The following TMEM117 variants were observed in gnomAD, a reference collection of about 807,000 sequenced individuals.
TMEM117 encodes the protein transmembrane protein 117.
A neutral mutation model predicts 52.4 loss-of-function variants in TMEM117; 27 were observed. The ratio of observed to expected loss-of-function variants is 0.51; its 90% confidence interval spans 0.38 to 0.71. The LOEUF (loss-of-function observed/expected upper bound fraction) is 0.71, where lower values mean the gene tolerates loss of function less well. TMEM117 is among the 30% of genes least tolerant of loss of function. The probability of loss-of-function intolerance (pLI) is 0.00; values close to 1 mark genes in which losing one functional copy is unlikely to be tolerated. For missense variants in TMEM117, 556 were observed against 630.5 expected (o/e 0.88, Z 1.26); for synonymous variants, 215 against 206.3 (o/e 1.04, Z -0.36).
intron 5 of TMEM117, among the ~76,000 whole-genome samples, chr12:44,247,010 G>A (rs887179111): frequency 6.6e-6 from 1 of 152,102 alleles, no homozygotes; most frequent in African/African-American, 2.4e-5. Context: ...AGGGGAGAAT[G>A]GGAGTTTTTG....
At chr12:44,108,032 C>T (rs1297840677) in intron 3 of TMEM117, among the ~76,000 whole-genome samples, 1 of 152,026 alleles carries the variant, frequency 6.6e-6, no homozygotes, top group Admixed American at 6.6e-5. Flanking sequence ...ATTTTTCATT[C>T]TGATACTTTT....
downstream of TMEM117, among the ~76,000 whole-genome samples, chr12:44,392,931 T>C (rs1434169722): frequency 6.6e-6 from 1 of 152,086 alleles, no homozygotes; most frequent in Admixed American, 6.6e-5. Context: ...ACATCCTTGA[T>C]GGAAGAACAA....
intron 3 of TMEM117, among the ~76,000 whole-genome samples, chr12:44,049,162 C>G (rs2137919667): frequency 6.6e-6 from 1 of 152,248 alleles, no homozygotes; most frequent in East Asian, 1.9e-4. Context: ...ACAGAACCAA[C>G]CCAAATGCCC....
At chr12:43,997,598 A>C (rs1469438736) in intron 3 of TMEM117, among the ~76,000 whole-genome samples, 1 of 152,198 alleles carries the variant, frequency 6.6e-6, no homozygotes, top group Admixed American at 6.5e-5. Context: ...CCTTATGTAG[A>C]ACACCATATA....
intron 3 of TMEM117, among the ~76,000 whole-genome samples, chr12:43,954,942 C>T (rs188724789): frequency 6.6e-6 from 1 of 152,304 alleles, no homozygotes; most frequent in East Asian, 1.9e-4. Flanking sequence ...CCACCACGAT[C>T]AAGTTGGCTT....
intron 4 of TMEM117, among the ~76,000 whole-genome samples, chr12:44,147,931 C>CAAAAAAAAAAAA (rs61271123): frequency 3.2e-5 from 2 of 61,804 alleles, no homozygotes. Context: ...GACTCTGTCT[C>CAAAAAAAAAAAA]AAAAAAAAAA....
At chr12:44,300,479 G>C (rs1004364871) in intron 6 of TMEM117, among the ~76,000 whole-genome samples, 1 of 152,246 alleles carries the variant, frequency 6.6e-6, no homozygotes, top group South Asian at 2.1e-4. Flanking sequence ...TAAGTCACCA[G>C]ACCAAAGACT....
intron 3 of TMEM117, among the ~76,000 whole-genome samples, chr12:44,100,378 A>G (rs1488137399): frequency 6.6e-6 from 1 of 152,032 alleles, no homozygotes; most frequent in East Asian, 1.9e-4. Context: ...GAATATATAT[A>G]GATATCTATG....
chr12:44,029,282 C>A (rs61933031), intron 3 of TMEM117, among the ~76,000 whole-genome samples: 1 of 152,124 alleles, frequency 6.6e-6, no homozygotes, highest in Non-Finnish European at 1.5e-5. Flanking sequence ...AAGTCCTTCT[C>A]GGCTAAGAAT....
At chr12:44,361,789 C>A (rs571600847) in intron 6 of TMEM117, among the ~76,000 whole-genome samples, 8 of 151,218 alleles carry the variant, frequency 5.3e-5, no homozygotes, top group African/African-American at 1.9e-4. Flanking sequence ...GTTACATACA[C>A]AAAAAAAAAT....
intron 3 of TMEM117, among the ~76,000 whole-genome samples, chr12:43,987,202 A>G (rs1230537724): frequency 6.6e-6 from 1 of 152,184 alleles, no homozygotes; most frequent in Non-Finnish European, 1.5e-5. Context: ...ACACACACCA[A>G]GAAGGTGGCC....
At chr12:43,944,700 G>A (rs1264179125) in intron 3 of TMEM117, among the ~76,000 whole-genome samples, 1 of 152,146 alleles carries the variant, frequency 6.6e-6, no homozygotes, top group Non-Finnish European at 1.5e-5. Context: ...AAGGTTTCCA[G>A]GTTTGCAATT....
At chr12:44,105,561 G>A (rs982840232) in intron 3 of TMEM117, among the ~76,000 whole-genome samples, 3 of 151,670 alleles carry the variant, frequency 2.0e-5, no homozygotes, top group East Asian at 3.9e-4. Flanking sequence ...GCAGTAAATC[G>A]GCCTTTACTA....
chr12:44,274,385 C>A (rs1950486422), intron 5 of TMEM117, among the ~76,000 whole-genome samples: 1 of 152,082 alleles, frequency 6.6e-6, no homozygotes, highest in Non-Finnish European at 1.5e-5. Context: ...GTACCCAAAG[C>A]AATCTACATA....
At chr12:44,366,404 A>G (rs568713650) in intron 6 of TMEM117, among the ~76,000 whole-genome samples, 8 of 152,242 alleles carry the variant, frequency 5.3e-5, no homozygotes, top group African/African-American at 1.9e-4. Flanking sequence ...TTTCTTGGCC[A>G]TTGACCTCTG....
chr12:44,208,325 G>C lies in TMEM117; in HGVS notation c.511-2965G>C, dbSNP rs543070710. Among the ~76,000 whole-genome samples the C allele has an allele frequency of 5.3e-5, 8 of 152,256 alleles. No homozygotes were observed. In the East Asian group the frequency reaches 1.5e-3, roughly 29 times the overall value. On this transcript the variant is annotated intron_variant, in intron 4 of 7. Coordinates refer to ENST00000266534, the MANE Select transcript of TMEM117 (RefSeq NM_032256.3). ...TTCTGTACAGAGACCTAGTAGAGAG[G>C]AAAGGGGAAGGGAAGGATTCTGAGA...
the TMEM117 span, chr12:43,797,218 T>G: frequency 6.7e-7 from 1 of 1,484,752 alleles, no homozygotes; most frequent in African/African-American, 1.4e-5. Flanking sequence ...CTAAGCCCTC[T>G]GGGCAAGAAA....
intron 6 of TMEM117, among the ~76,000 whole-genome samples, chr12:44,312,959 A>G (rs1164710169): frequency 1.3e-5 from 2 of 152,020 alleles, no homozygotes; most frequent in African/African-American, 4.8e-5. Context: ...AGATGAGATT[A>G]TATGTGTTTT....
intron 2 of TMEM117, among the ~76,000 whole-genome samples, chr12:43,862,470 T>A (rs1375094413): frequency 6.6e-6 from 1 of 152,244 alleles, no homozygotes; most frequent in Non-Finnish European, 1.5e-5. Flanking sequence ...AAATGTTTAT[T>A]GTTTGAAGCC....
Sources: gnomAD v4.1 joint callset for allele counts (sites outside exome capture counted in the v4.1 genomes callset) on GRCh38, gnomAD v4.1.1 for gene constraint, MANE v1.5 for transcripts, NCBI Gene and HGNC (gene_info 2026-07-23, HGNC 2026-07-21) for gene names.